Variants in URM1 observed in about 807,000 individuals in gnomAD.
The protein encoded by URM1 is ubiquitin-related modifier 1.
Under a neutral mutation model 17.7 loss-of-function variants are expected in URM1, and 11 were observed. The ratio of observed to expected loss-of-function variants is 0.62; its 90% CI spans 0.39 to 1.03. The LOEUF is 1.03. URM1 is among the 50% of genes least tolerant of loss of function. URM1 has a pLI of 0.00. For missense variants in URM1, 128 were observed against 129.2 expected (o/e 0.99, Z 0.04); for synonymous variants, 48 against 50.6 (o/e 0.95, Z 0.22).
At chr9:128,385,499 G>A (rs1346716313) in intron 2 of URM1, among the ~76,000 whole-genome samples, 2 of 152,072 alleles carry the variant, frequency 1.3e-5, no homozygotes, top group South Asian at 2.1e-4. Flanking sequence ...ACCGCCCCTA[G>A]TAGGAGAGGG....
chr9:128,371,861 G>A (rs565864117), intron 1 of URM1, among the ~76,000 whole-genome samples: 9 of 152,176 alleles, frequency 5.9e-5, no homozygotes, highest in Non-Finnish European at 1.2e-4. Context: ...GGATGTAGTG[G>A]CCAGGGCGGG....
At chr9:128,376,025 A>G (rs1049222784) in intron 1 of URM1, among the ~76,000 whole-genome samples, 7 of 152,102 alleles carry the variant, frequency 4.6e-5, no homozygotes, top group African/African-American at 1.7e-4. Flanking sequence ...GCAGAGGAGT[A>G]AAAACAAGAG....
At position 128,379,804 on chromosome 9, in the gene URM1, A is replaced by T. The variant is rs180802979; in HGVS notation, c.106+1698A>T. On this transcript the variant is annotated intron_variant, in intron 2 of 4. Coordinates refer to ENST00000372853, the MANE Select transcript of URM1 (RefSeq NM_030914.4). ...AACAGAGCGAGACTCCATCTCAAAAAAAAATAAAATAAAATAAAATAAAAT... is the reference window on the plus strand; with the variant it reads ...AACAGAGCGAGACTCCATCTCAAAATAAAATAAAATAAAATAAAATAAAAT... Among the ~76,000 whole-genome samples, 209 of 151,336 alleles carry T rather than the reference A, an allele frequency of 1.4e-3. 2 individuals carry two copies. The highest frequency in any genetic ancestry group is 4.4e-3 in the African/African-American group (179 of 41,090).
At position 128,387,817 on chromosome 9, in the gene URM1, G is replaced by A; in HGVS notation, c.108G>A (p.Trp36Ter). Residue 36 changes from tryptophan (W) to a stop codon, truncating the protein, a stop_gained and splice_region_variant, in exon 3 of 5, where the codon TGG becomes TGA. Coordinates refer to ENST00000372853, the MANE Select transcript of URM1 (RefSeq NM_030914.4). LOFTEE classifies it high-confidence loss of function. This position sits in a 1 kb window ranked among gnomAD's most constrained non-coding sequence, Gnocchi z 4.3. ...TTTGTTCTGTGCATTCCTTTCCAGG[G>A]GACATCCGGAACCTGCTCATCTGGA... is the stretch of plus-strand genomic sequence containing the variant. ...RVTLPGQEEP[W>*]DIRNLLIWIK... 3.1e-6 allele frequency: 5 copies of A among 1,614,142 alleles called. No homozygotes were observed. Among genetic ancestry groups the A allele is most frequent in the Non-Finnish European group, 4.2e-6 (5 of 1,180,006 alleles).
intron 4 of URM1, 78 bp downstream of exon 4, chr9:128,389,387 G>C: frequency 6.2e-7 from 1 of 1,613,398 alleles, no homozygotes; most frequent in Non-Finnish European, 8.5e-7. Context: ...CCTCTCCTCA[G>C]GCACATATAG....
At position 128,390,969 on chromosome 9, in the gene URM1, C is replaced by T. The variant is rs1564414514; in HGVS notation, c.*1235C>T. ...CCAGTCTGTGTCCCGGGACGCATCCCCACCCGTCTGTCCAAGGCTTTGTCC... is the reference window on the plus strand; with the variant it reads ...CCAGTCTGTGTCCCGGGACGCATCCTCACCCGTCTGTCCAAGGCTTTGTCC... On this transcript the variant is annotated 3_prime_UTR_variant, in exon 5 of 5. Coordinates refer to ENST00000372853, the MANE Select transcript of URM1 (RefSeq NM_030914.4). 6.6e-6 allele frequency: 1 copy of T among 152,412 alleles called. No individual in the cohort carries two copies. Among genetic ancestry groups the T allele is most frequent in the Non-Finnish European group, 1.5e-5 (1 of 68,218 alleles). The allele number at this position is 152,412 out of a possible 1,614,324, so 9.4% of individuals were successfully genotyped here. A position where few individuals can be genotyped will look rare whatever the true frequency, so the allele number is the denominator to read the frequency against.
At chr9:128,384,620 G>A (rs781423630) in intron 2 of URM1, among the ~76,000 whole-genome samples, 10 of 152,256 alleles carry the variant, frequency 6.6e-5, no homozygotes, top group South Asian at 2.1e-4. Context: ...TGGGCAGAGC[G>A]TGCAGAAACC....
At chr9:128,371,335 G>T, upstream of URM1, 1 of 1,605,114 alleles carries the variant, frequency 6.2e-7, no homozygotes, top group Non-Finnish European at 8.5e-7. Flanking sequence ...ATTTGCGGGC[G>T]CGCCGGAAGT....
At chr9:128,381,693 AAAAAC>A (rs1223833930) in intron 2 of URM1, among the ~76,000 whole-genome samples, 3 of 152,262 alleles carry the variant, frequency 2.0e-5, no homozygotes, top group South Asian at 4.1e-4. Context: ...CTCAAAAACA[AAAAAC>A]AAAACAAATA....
chr9:128,381,062 G>A (rs556605403), intron 2 of URM1, among the ~76,000 whole-genome samples: 1 of 152,212 alleles, frequency 6.6e-6, no homozygotes, highest in South Asian at 2.1e-4. Context: ...CTGACCTGGT[G>A]ATCCGCCCGC....
chr9:128,371,548 G>A lies in URM1; in HGVS notation c.35+133G>A, dbSNP rs528533254. On this transcript the variant is annotated intron_variant, in intron 1 of 4. Transcript: ENST00000372853. ...GTGCCCGCTGTGAGCTACGCTACCC[G>A]CCTAGGAGAGTCTGAGAGGCCAGTC... The A allele has an allele frequency of 2.3e-4, 202 of 872,194 alleles. 1 individual carries two copies. Among genetic ancestry groups the A allele is most frequent in the Middle Eastern group, 2.3e-3 (10 of 4,368 alleles). 54.0% of individuals were successfully genotyped at this position (872,194 alleles called of 1,614,324 possible). A position where few individuals can be genotyped will look rare whatever the true frequency, so the allele number is the denominator to read the frequency against.
At chr9:128,388,086 C>T in intron 3 of URM1, 189 bp downstream of exon 3, 1 of 1,337,844 alleles carries the variant, frequency 7.5e-7, no homozygotes, top group African/African-American at 1.5e-5. Flanking sequence ...TTTTTTAAAT[C>T]CCAGATGAAA....
At chr9:128,388,503 C>A in intron 3 of URM1, 1 of 986,122 alleles carries the variant, frequency 1.0e-6, no homozygotes. Flanking sequence ...GAAAGGTGGC[C>A]GGTGCAGTTG....
chr9:128,389,646 T>G lies in URM1; in HGVS notation c.238-20T>G. On this transcript the variant is annotated intron_variant, in intron 4 of 4. Coordinates refer to ENST00000372853, the MANE Select transcript of URM1 (RefSeq NM_030914.4). ...GAAGGTGGCCCTGAGGGTCTCCCGC[T>G]CCCCTCTCTCCCGCACCAGGGTGAG... The G allele has an allele frequency of 6.2e-7, 1 of 1,613,216 alleles. No individual in the cohort carries two copies. Among genetic ancestry groups the G allele is most frequent in the East Asian group, 2.2e-5 (1 of 44,870 alleles).
intron 1 of URM1, among the ~76,000 whole-genome samples, chr9:128,373,780 A>G (rs1416017543): frequency 6.6e-6 from 1 of 152,206 alleles, no homozygotes; most frequent in African/African-American, 2.4e-5. Context: ...GTCAGAGAAG[A>G]ACTGGGAGAA....
intron 1 of URM1, among the ~76,000 whole-genome samples, chr9:128,377,569 C>T (rs1457961967): frequency 6.6e-6 from 1 of 152,142 alleles, no homozygotes; most frequent in African/African-American, 2.4e-5. Context: ...ACTCGGGAGG[C>T]TGAGGCACGA....
At chr9:128,372,282 G>A (rs1833023557) in intron 1 of URM1, among the ~76,000 whole-genome samples, 1 of 151,114 alleles carries the variant, frequency 6.6e-6, no homozygotes, top group Admixed American at 6.6e-5. Flanking sequence ...GTGTGTGTGT[G>A]TGTGGAATAG....
intron 1 of URM1, among the ~76,000 whole-genome samples, chr9:128,377,651 C>T (rs989243364): frequency 1.3e-5 from 2 of 152,078 alleles, no homozygotes; most frequent in Non-Finnish European, 2.9e-5. Context: ...GCCTGGGCAA[C>T]AGAGTGAGAC....
chr9:128,378,082 A>G lies in URM1; in HGVS notation c.82A>G (p.Thr28Ala). 6.2e-7 allele frequency: 1 copy of G among 1,610,684 alleles called. No homozygotes were observed. Among genetic ancestry groups the G allele is most frequent in the South Asian group, 1.1e-5 (1 of 90,428 alleles). Reference sequence around the variant, plus strand: ...TGACGGTATTAAGAAACATCGAGTCACTTTGCCTGGACAGGAGGAACCCTG... The same window carrying G: ...TGACGGTATTAAGAAACATCGAGTCGCTTTGCCTGGACAGGAGGAACCCTG... Reference protein sequence around the residue: ...LFDGIKKHRVTLPGQEEPWDI... With the variant: ...LFDGIKKHRVALPGQEEPWDI... The change falls in exon 2 of 5, where the codon ACT becomes GCT. Residue 28 changes from threonine (T) to alanine (A), a missense_variant. Physicochemically the swap from Thr to Ala is moderately conservative, Grantham distance 58. Transcript: ENST00000372853.
Sources: allele counts gnomAD v4.1 joint callset (sites outside exome capture counted in the v4.1 genomes callset), GRCh38; gene constraint gnomAD v4.1.1; non-coding constraint Gnocchi (gnomAD v3.1); transcripts MANE v1.5; gene names NCBI Gene and HGNC (gene_info 2026-07-23, HGNC 2026-07-21).